Variants in PLCE1 observed in about 807,000 individuals in gnomAD.
The protein encoded by PLCE1 is 1-phosphatidylinositol 4,5-bisphosphate phosphodiesterase epsilon-1.
In PLCE1, 119 loss-of-function variants were observed where a neutral mutation model predicts 242.8. The observed-to-expected ratio is 0.49, with a 90% CI of 0.42 to 0.57. The LOEUF is 0.57. Ranked by LOEUF, PLCE1 falls within the 20% of genes least tolerant of loss-of-function variation. The pLI is 0.00. For missense variants in PLCE1, 2,441 were observed against 2,788.8 expected, an observed-to-expected ratio of 0.88 and a Z score of 2.81; for synonymous variants, 945 against 1,017.4, an observed-to-expected ratio of 0.93 and a Z score of 1.35.
chr10:94,203,616 C>T (rs2049049211), intron 4 of PLCE1, among the ~76,000 whole-genome samples: 2 of 152,248 alleles, frequency 1.3e-5, no homozygotes, highest in Admixed American at 6.5e-5. Flanking sequence ...TCATCCATGT[C>T]CCCATAATTA....
rs142644354 is a variant in PLCE1, at chr10:94,114,748, T to G, written c.1207-17426T>G. On this transcript the variant is annotated intron_variant, in intron 2 of 32. Coordinates refer to ENST00000371380, the MANE Select transcript of PLCE1 (RefSeq NM_016341.4). ...GCCCTATGTTTTTTTTTGTTGTTGTTCTTGCACAGTTCTTTTTTTTTTTTA... is the reference window on the plus strand; with the variant it reads ...GCCCTATGTTTTTTTTTGTTGTTGTGCTTGCACAGTTCTTTTTTTTTTTTA... Among the ~76,000 whole-genome samples the G allele has an allele frequency of 8.8e-3, 1,096 of 125,244 alleles. 14 individuals carry two copies. The highest frequency in any genetic ancestry group is 0.028 in the African/African-American group (1,035 of 36,788). The allele number at this position is 125,244 out of a possible 152,430, so 82.2% of individuals were successfully genotyped here.
chr10:93,996,114 C>CGT (rs10538788), intron 1 of PLCE1, among the ~76,000 whole-genome samples: 70 of 151,316 alleles, frequency 4.6e-4, no homozygotes, highest in Admixed American at 1.1e-3. Context: ...GCTTGCTGCA[C>CGT]GTGTGTGTGT....
At chr10:94,034,107 A>G (rs1302826735) in intron 2 of PLCE1, among the ~76,000 whole-genome samples, 1 of 152,158 alleles carries the variant, frequency 6.6e-6, no homozygotes, top group African/African-American at 2.4e-5. Context: ...AATCATGTGC[A>G]GGGGAACACC....
chr10:94,304,526 G>A lies in PLCE1; in HGVS notation c.5503G>A (p.Gly1835Ser), dbSNP rs2053139572. 6.2e-7 allele frequency: 1 copy of A among 1,613,964 alleles called. No homozygotes were observed. Reference protein sequence around the residue: ...LNAAMFEANGGCGYVLKPPVL... With the variant: ...LNAAMFEANGSCGYVLKPPVL... ...TGCTGCAATGTTTGAGGCAAATGGT[G>A]GTTGTGGTTATGTATTGAAACCTCC... The change falls in exon 25 of 33, where the codon GGT becomes AGT. Residue 1835 changes from glycine (G) to serine (S), a missense_variant. Physicochemically the swap from Gly to Ser is moderately conservative, Grantham distance 56 (BLOSUM62 0). Coordinates refer to ENST00000371380, the MANE Select transcript of PLCE1 (RefSeq NM_016341.4).
intron 4 of PLCE1, among the ~76,000 whole-genome samples, chr10:94,208,857 G>A (rs905599578): frequency 7.9e-5 from 12 of 152,186 alleles, no homozygotes; most frequent in East Asian, 1.9e-4. Flanking sequence ...CTCATTGCAC[G>A]TGGGCCTCAA....
intron 2 of PLCE1, chr10:94,104,510 C>T (rs1294759274): frequency 6.6e-6 from 1 of 152,106 alleles, no homozygotes; most frequent in Non-Finnish European, 1.5e-5. Context: ...TGAGTCAGAG[C>T]CTGTTTATTT....
At chr10:94,114,206 G>A (rs1486112367) in intron 2 of PLCE1, among the ~76,000 whole-genome samples, 3 of 152,218 alleles carry the variant, frequency 2.0e-5, no homozygotes, top group Admixed American at 2.0e-4. Context: ...ACCTGGACTA[G>A]AAGGTAAACC....
In PLCE1 at chr10:94,331,494, T is replaced by C. The variant is rs2054155286; in HGVS notation, c.*3551T>C. On this transcript the variant is annotated 3_prime_UTR_variant, in exon 33 of 33. Coordinates refer to ENST00000371380, the MANE Select transcript of PLCE1 (RefSeq NM_016341.4). ...ACAAAACTCCACATCTATGCTCCCA[T>C]GCTAGTAAAGAAGAGTAGGATTTTC... is the stretch of plus-strand genomic sequence containing the variant. The C allele has an allele frequency of 6.6e-6, 1 of 152,218 alleles. No homozygotes were observed. Among genetic ancestry groups the C allele is most frequent in the Non-Finnish European group, 1.5e-5 (1 of 68,032 alleles). The allele number at this position is 152,218 out of a possible 1,614,324, so 9.4% of individuals were successfully genotyped here.
chr10:93,997,963 C>T (rs1240466934), intron 1 of PLCE1, among the ~76,000 whole-genome samples: 1 of 152,000 alleles, frequency 6.6e-6, no homozygotes, highest in African/African-American at 2.4e-5. Flanking sequence ...GGAGGGTGGC[C>T]GGTGGTTTGG....
At chr10:94,275,171 GC>G (rs1173553388) in intron 19 of PLCE1, among the ~76,000 whole-genome samples, 4 of 152,080 alleles carry the variant, frequency 2.6e-5, no homozygotes, top group African/African-American at 9.7e-5. Flanking sequence ...TTTATGTTGA[GC>G]CCAAATCTTC....
chr10:94,173,007 A>G (rs1423135047), intron 4 of PLCE1, among the ~76,000 whole-genome samples: 2 of 152,218 alleles, frequency 1.3e-5, no homozygotes, highest in East Asian at 1.9e-4. Flanking sequence ...ACACCAGTCT[A>G]TCTGGCACTG....
intron 5 of PLCE1, among the ~76,000 whole-genome samples, chr10:94,228,044 A>G (rs547870814): frequency 6.6e-6 from 1 of 152,370 alleles, no homozygotes; most frequent in South Asian, 2.1e-4. Context: ...GCTAAGAGAA[A>G]TTAAGTCATT....
intron 27 of PLCE1, 58 bp downstream of exon 27, chr10:94,308,757 C>CT (rs2053287698): frequency 5.2e-6 from 6 of 1,156,876 alleles, no homozygotes; most frequent in South Asian, 1.2e-5. Flanking sequence ...TGAAGGTGGG[C>CT]TTTTTTGTGG....
chr10:94,323,048 T>C (rs2053878643), intron 30 of PLCE1, among the ~76,000 whole-genome samples: 2 of 152,226 alleles, frequency 1.3e-5, no homozygotes, highest in African/African-American at 4.8e-5. Context: ...TTTGGATCTC[T>C]ATAAAGCATT....
intron 23 of PLCE1, among the ~76,000 whole-genome samples, chr10:94,293,900 A>T (rs779680930): frequency 2.6e-5 from 4 of 152,190 alleles, no homozygotes; most frequent in Non-Finnish European, 5.9e-5. Context: ...TGAGGTCAGG[A>T]GTTCGAGACC....
chr10:94,166,384 G>C (rs2047803591), intron 3 of PLCE1, among the ~76,000 whole-genome samples: 1 of 152,090 alleles, frequency 6.6e-6, no homozygotes, highest in Non-Finnish European at 1.5e-5. Flanking sequence ...CCCTCACATG[G>C]AATGAGAATG....
intron 3 of PLCE1, 47 bp downstream of exon 3, chr10:94,132,506 G>A (rs1000027776): frequency 2.6e-6 from 4 of 1,555,698 alleles, no homozygotes; most frequent in Non-Finnish European, 3.5e-6. Context: ...TGACTACAGA[G>A]AAGGATCTAA....
At chr10:94,212,236 G>T (rs1412454194) in intron 4 of PLCE1, among the ~76,000 whole-genome samples, 2 of 151,886 alleles carry the variant, frequency 1.3e-5, no homozygotes, top group East Asian at 3.9e-4. Context: ...ACATGTGCAT[G>T]CCACCACACC....
At position 94,132,455 on chromosome 10, in the gene PLCE1, G is replaced by C. The variant is rs554331540; in HGVS notation, c.1488G>C (p.Leu496=). 1 of 1,613,744 alleles carries C rather than the reference G, an allele frequency of 6.2e-7. No homozygotes were observed. The highest frequency in any genetic ancestry group is 8.5e-7 in the Non-Finnish European group (1 of 1,179,736). ...TFGGSTGRMM[L]KERQPGPSVA... is the part of the protein sequence containing the mutation. ...GAGGATCCACTGGACGAATGATGCT[G>C]AAAGGTAATGCCTGAAATTTCACTT... The change falls in exon 3 of 33, where the codon CTG becomes CTC. Residue 496 remains leucine, a synonymous_variant. Coordinates refer to ENST00000371380, the MANE Select transcript of PLCE1 (RefSeq NM_016341.4).
Sources: gnomAD v4.1 joint callset for allele counts (sites outside exome capture counted in the v4.1 genomes callset) on GRCh38, gnomAD v4.1.1 for gene constraint, MANE v1.5 for transcripts, NCBI Gene and HGNC (gene_info 2026-07-23, HGNC 2026-07-21) for gene names.